Variants in CNTN5 observed in about 807,000 individuals in gnomAD.
CNTN5 encodes contactin-5.
CNTN5 carries 77 observed loss-of-function variants against 129.1 expected under a neutral mutation model. The ratio of observed to expected loss-of-function variants is 0.60; its 90% CI spans 0.50 to 0.72. CNTN5 has a LOEUF of 0.72. Ranked by LOEUF, CNTN5 falls within the 30% of genes least tolerant of loss-of-function variation. The pLI is 0.00. For synonymous variants in CNTN5, 509 were observed against 465.6 expected, an observed-to-expected ratio of 1.09 and a Z score of -1.20; for missense variants, 1,478 against 1,328.8, an observed-to-expected ratio of 1.11 and a Z score of -1.75.
intron 3 of CNTN5, among the ~76,000 whole-genome samples, 163 bp downstream of exon 3, chr11:99,556,432 C>T (rs911697678): frequency 6.6e-6 from 1 of 150,616 alleles, no homozygotes; most frequent in African/African-American, 2.4e-5. Context: ...CCGCTGTTAA[C>T]ATTGCAAAAT....
At chr11:99,551,835 A>T (rs1165125669) in intron 2 of CNTN5, among the ~76,000 whole-genome samples, 1 of 152,166 alleles carries the variant, frequency 6.6e-6, no homozygotes, top group Non-Finnish European at 1.5e-5. Flanking sequence ...TCATATATGC[A>T]GTTCAACGTT....
intron 3 of CNTN5, among the ~76,000 whole-genome samples, chr11:99,745,885 A>G (rs1944040081): frequency 1.3e-5 from 2 of 152,206 alleles, no homozygotes; most frequent in Non-Finnish European, 2.9e-5. Context: ...TAGTGTGATG[A>G]TTGAAAGAAT....
chr11:99,584,776 C>T (rs923372798), intron 3 of CNTN5, among the ~76,000 whole-genome samples: 1 of 152,208 alleles, frequency 6.6e-6, no homozygotes, highest in East Asian at 1.9e-4. Context: ...GTTGTTTGAA[C>T]TGTGAAACAA....
At chr11:100,091,656 T>C (rs1294276087) in intron 13 of CNTN5, among the ~76,000 whole-genome samples, 1 of 151,982 alleles carries the variant, frequency 6.6e-6, no homozygotes, top group African/African-American at 2.4e-5. Flanking sequence ...CTTGAACTCC[T>C]GACCTTGTGA....
chr11:99,696,290 T>C (rs913698450), intron 3 of CNTN5, among the ~76,000 whole-genome samples: 12 of 152,186 alleles, frequency 7.9e-5, no homozygotes, highest in African/African-American at 2.9e-4. Flanking sequence ...CTCACAGAGT[T>C]TAAACTCAAA....
intron 6 of CNTN5, among the ~76,000 whole-genome samples, chr11:99,912,245 T>C (rs544898759): frequency 6.6e-6 from 1 of 151,972 alleles, no homozygotes; most frequent in African/African-American, 2.4e-5. Context: ...TGTGTGTTCA[T>C]GTATTAATAG....
At chr11:99,141,484 TG>T (rs931914798) in intron 1 of CNTN5, among the ~76,000 whole-genome samples, 2 of 152,200 alleles carry the variant, frequency 1.3e-5, no homozygotes, top group Non-Finnish European at 2.9e-5. Context: ...ATTGATCTTT[TG>T]TATGTTTTCT....
intron 1 of CNTN5, among the ~76,000 whole-genome samples, chr11:99,135,638 TTTC>T (rs1352035400): frequency 3.9e-5 from 1 of 25,444 alleles, no homozygotes; most frequent in Non-Finnish European, 6.4e-5. Context: ...TGTCATAAAG[TTTC>T]TTTTTTCCCA....
intron 22 of CNTN5, among the ~76,000 whole-genome samples, 178 bp from the exon 23 acceptor site, chr11:100,340,915 T>C: frequency 6.6e-6 from 1 of 151,958 alleles, no homozygotes; most frequent in Non-Finnish European, 1.5e-5. Flanking sequence ...CTCAGCAGAG[T>C]AGCTATTAAA....
intron 16 of CNTN5, among the ~76,000 whole-genome samples, chr11:100,230,074 A>G (rs780944244): frequency 2.0e-5 from 3 of 152,214 alleles, no homozygotes; most frequent in Non-Finnish European, 4.4e-5. Context: ...TAACTTTTTA[A>G]TCCTAGTTAA....
chr11:99,804,707 A>C (rs1458168921), intron 3 of CNTN5, among the ~76,000 whole-genome samples: 1 of 151,546 alleles, frequency 6.6e-6, no homozygotes, highest in Non-Finnish European at 1.5e-5. Flanking sequence ...GAATATTTTA[A>C]AGATATAATA....
chr11:100,014,275 C>T (rs967048095), intron 9 of CNTN5, among the ~76,000 whole-genome samples: 2 of 152,110 alleles, frequency 1.3e-5, no homozygotes, highest in African/African-American at 4.8e-5. Flanking sequence ...CTCTAACTCA[C>T]CTCAAACCAT....
At chr11:100,317,238 C>T (rs1951589011) in intron 21 of CNTN5, among the ~76,000 whole-genome samples, 2 of 152,108 alleles carry the variant, frequency 1.3e-5, no homozygotes. Context: ...CCTCCCTGTT[C>T]TCTGACAATA....
intron 1 of CNTN5, among the ~76,000 whole-genome samples, chr11:99,145,857 T>C (rs1044342509): frequency 6.6e-6 from 1 of 152,176 alleles, no homozygotes; most frequent in Non-Finnish European, 1.5e-5. Flanking sequence ...AGGACAGTAA[T>C]GTATTATGTA....
At chr11:99,371,731 A>G (rs1345298081) in intron 2 of CNTN5, among the ~76,000 whole-genome samples, 1 of 152,166 alleles carries the variant, frequency 6.6e-6, no homozygotes, top group Admixed American at 6.5e-5. Flanking sequence ...ATCACAAGCT[A>G]TTTTTAACTT....
In CNTN5 at chr11:99,956,871, A is replaced by C; in HGVS notation, c.739A>C (p.Ile247Leu). The change falls in exon 8 of 25, where the codon ATC becomes CTC. Residue 247 changes from isoleucine to leucine, a missense_variant. Physicochemically the swap from Ile to Leu is conservative, Grantham distance 5. Transcript: ENST00000524871. ...SFVAEDSRRF[I>L]SQETGNLYIS... is the part of the protein sequence containing the mutation. ...TGTGGCGGAAGACAGCCGGCGGTTC[A>C]TCTCCCAGGAGACAGGCAACCTTTA... is the stretch of plus-strand genomic sequence containing the variant. The C allele has an allele frequency of 6.2e-7, 1 of 1,613,914 alleles. No homozygotes were observed. Among genetic ancestry groups the C allele is most frequent in the South Asian group, 1.1e-5 (1 of 91,080 alleles).
At chr11:99,935,085 GTATATC>G (rs1198898916) in intron 7 of CNTN5, among the ~76,000 whole-genome samples, 2 of 150,714 alleles carry the variant, frequency 1.3e-5, no homozygotes, top group South Asian at 2.1e-4. Flanking sequence ...TCACATAGAT[GTATATC>G]TATATCAATA....
At chr11:99,036,387 T>C (rs1863734776) in intron 1 of CNTN5, among the ~76,000 whole-genome samples, 1 of 152,082 alleles carries the variant, frequency 6.6e-6, no homozygotes, top group South Asian at 2.1e-4. Flanking sequence ...ATAGATAATG[T>C]TGTTTCAATT....
At chr11:99,577,006 G>GA (rs1034517189) in intron 3 of CNTN5, among the ~76,000 whole-genome samples, 1 of 152,124 alleles carries the variant, frequency 6.6e-6, no homozygotes, top group Non-Finnish European at 1.5e-5. Context: ...ACAATAAAGG[G>GA]AAAAAATGTT....
Sources: gnomAD v4.1 joint callset for allele counts (sites outside exome capture counted in the v4.1 genomes callset) on GRCh38, gnomAD v4.1.1 for gene constraint, MANE v1.5 for transcripts, NCBI Gene and HGNC (gene_info 2026-07-23, HGNC 2026-07-21) for gene names.